Variants in CDH12 observed in about 807,000 individuals in gnomAD.
The protein encoded by CDH12 is cadherin-12.
A neutral mutation model predicts 74.1 loss-of-function variants in CDH12; 41 were observed. The observed-to-expected ratio is 0.55, with a 90% CI of 0.43 to 0.72. The LOEUF is 0.72. Ranked by LOEUF, CDH12 falls within the 30% of genes least tolerant of loss-of-function variation. The probability of loss-of-function intolerance (pLI) is 0.00; values close to 1 mark genes in which losing one functional copy is unlikely to be tolerated. For synonymous variants in CDH12, 399 were observed against 355.0 expected, an observed-to-expected ratio of 1.12 and a Z score of -1.39; for missense variants, 945 against 977.2, an observed-to-expected ratio of 0.97 and a Z score of 0.44.
chr5:22,784,281 T>A (rs1747521922), intron 1 of CDH12, among the ~76,000 whole-genome samples: 1 of 152,124 alleles, frequency 6.6e-6, no homozygotes, highest in African/African-American at 2.4e-5. Context: ...AGTTACAATG[T>A]ATAGACTTCT....
chr5:22,189,650 A>C (rs1750151042), intron 4 of CDH12, among the ~76,000 whole-genome samples: 2 of 152,240 alleles, frequency 1.3e-5, no homozygotes, highest in Admixed American at 6.5e-5. Context: ...AAATTTATAA[A>C]AACATTTATT....
At chr5:22,789,725 C>A (rs940752945) in intron 1 of CDH12, among the ~76,000 whole-genome samples, 3 of 151,808 alleles carry the variant, frequency 2.0e-5, no homozygotes, top group Non-Finnish European at 4.4e-5. Flanking sequence ...AATTTTAAAA[C>A]TGAAAGGAGA....
chr5:22,619,576 A>T (rs1024819948), intron 1 of CDH12, among the ~76,000 whole-genome samples: 2 of 151,908 alleles, frequency 1.3e-5, no homozygotes, highest in African/African-American at 2.4e-5. Flanking sequence ...CTATTTTATG[A>T]TAAGACATAA....
At chr5:22,333,232 G>T (rs749889467) in intron 3 of CDH12, among the ~76,000 whole-genome samples, 1 of 151,782 alleles carries the variant, frequency 6.6e-6, no homozygotes, top group African/African-American at 2.4e-5. Context: ...ACCAAAAACC[G>T]CATGTTTTCA....
At chr5:21,892,738 T>C (rs969430376) in intron 6 of CDH12, among the ~76,000 whole-genome samples, 3 of 152,164 alleles carry the variant, frequency 2.0e-5, no homozygotes, top group Non-Finnish European at 4.4e-5. Context: ...ATATGACCTA[T>C]GGCCATTCTC....
At chr5:22,554,199 G>A (rs1738697008) in intron 1 of CDH12, among the ~76,000 whole-genome samples, 1 of 152,140 alleles carries the variant, frequency 6.6e-6, no homozygotes, top group Admixed American at 6.6e-5. Context: ...TTTTAGGGCA[G>A]TGAAATTATT....
intron 6 of CDH12, chr5:21,882,804 A>G: frequency 1.3e-6 from 2 of 1,565,886 alleles, no homozygotes; most frequent in Non-Finnish European, 8.8e-7. Context: ...GGGAAGTCCC[A>G]ACGTAACAAA....
At chr5:22,690,170 A>G (rs1742007841) in intron 1 of CDH12, among the ~76,000 whole-genome samples, 2 of 152,282 alleles carry the variant, frequency 1.3e-5, no homozygotes, top group South Asian at 2.1e-4. Flanking sequence ...ATGGAAGTCA[A>G]TTTATTGCAC....
chr5:22,221,175 G>A (rs767556596), intron 3 of CDH12, among the ~76,000 whole-genome samples: 12 of 151,762 alleles, frequency 7.9e-5, no homozygotes, highest in Admixed American at 5.3e-4. Context: ...TAGACAAAAG[G>A]ATTATTTTAT....
chr5:22,666,292 TTTTTTTTTTG>T lies in CDH12; in HGVS notation c.-522-160938_-522-160929del, dbSNP rs1218728468. On this transcript the variant is annotated intron_variant, in intron 1 of 14. Transcript: ENST00000382254. ...TCTGTATCTCTCTATCTTTTTTTTT[TTTTTTTTTTG>T]TTTTTGAGACGGAGTCTGTCTCTGA... Among the ~76,000 whole-genome samples, 4 of 88,946 alleles carry T rather than the reference TTTTTTTTTTG, an allele frequency of 4.5e-5. No individual in the cohort carries two copies. The East Asian group carries it at 1.2e-3, about 27-fold the overall frequency. The allele number at this position is 88,946 out of a possible 152,430, so 58.4% of individuals were successfully genotyped here.
chr5:22,783,243 G>A (rs1747470471), intron 1 of CDH12, among the ~76,000 whole-genome samples: 1 of 151,946 alleles, frequency 6.6e-6, no homozygotes, highest in Non-Finnish European at 1.5e-5. Context: ...CAGTAGTAAT[G>A]TTCATAAAAT....
chr5:22,596,176 T>C lies in CDH12; in HGVS notation c.-522-90812A>G, dbSNP rs1237043390. On this transcript the variant is annotated intron_variant, in intron 1 of 14. Coordinates refer to ENST00000382254, the MANE Select transcript of CDH12 (RefSeq NM_004061.5). The stretch of plus-strand genomic sequence containing the variant: ...AAAAAGCCAGGCATGGTGGCTCATG[T>C]CTGTAATCCCAGCATTCTGGGAGGC... 2.0e-5 allele frequency among the ~76,000 whole-genome samples: 3 copies of C among 151,336 alleles called. No homozygotes were observed. In the East Asian group the frequency reaches 5.9e-4, roughly 30 times the overall value.
chr5:22,465,923 G>T (rs1461998732), intron 2 of CDH12, among the ~76,000 whole-genome samples: 1 of 152,056 alleles, frequency 6.6e-6, no homozygotes, highest in Admixed American at 6.5e-5. Flanking sequence ...TTTCCATGAG[G>T]CAAAGCAGAT....
chr5:22,206,849 T>C (rs1456205194), intron 4 of CDH12, among the ~76,000 whole-genome samples: 2 of 151,078 alleles, frequency 1.3e-5, no homozygotes, highest in East Asian at 1.9e-4. Flanking sequence ...AATTAGTGAG[T>C]GTGAGGAAAT....
Position 22,525,007 on chromosome 5 carries a change from TG to T in CDH12, c.-522-19644del, listed in dbSNP as rs557043701. Among the ~76,000 whole-genome samples, 381 of 143,372 alleles carry T rather than the reference TG, an allele frequency of 2.7e-3. 4 individuals carry two copies. Among genetic ancestry groups the T allele is most frequent in the African/African-American group, 9.1e-3 (356 of 39,102 alleles). The allele number at this position is 143,372 out of a possible 152,430, so 94.1% of individuals were successfully genotyped here. The stretch of plus-strand genomic sequence containing the variant: ...CCAGTGTGTGATGTTCCCCTTCCTG[TG>T]TCCATGTGTTCTCATTATTCAATTC... On this transcript the variant is annotated intron_variant, in intron 1 of 14. Transcript: ENST00000382254.
intron 1 of CDH12, among the ~76,000 whole-genome samples, chr5:22,542,903 A>C (rs1738168262): frequency 1.3e-5 from 2 of 152,160 alleles, no homozygotes; most frequent in Non-Finnish European, 2.9e-5. Context: ...AAATAGTAAT[A>C]AATATGATTT....
rs934425449 is a variant in CDH12, at chr5:22,698,154, T to C, written c.-523+154904A>G. On this transcript the variant is annotated intron_variant, in intron 1 of 14. Coordinates refer to ENST00000382254, the MANE Select transcript of CDH12 (RefSeq NM_004061.5). ...TTTTTTTTTTGAGATGGAGTTTCTA[T>C]CTCGTTGCCCAGGCTGGAGTGCAAT... 3.1e-5 allele frequency among the ~76,000 whole-genome samples: 4 copies of C among 129,394 alleles called. No individual in the cohort carries two copies. The Admixed American group carries it at 3.6e-4, about 12-fold the overall frequency. 84.9% of individuals were successfully genotyped at this position (129,394 alleles called of 152,430 possible). A position where few individuals can be genotyped will look rare whatever the true frequency, so the allele number is the denominator to read the frequency against.
At chr5:22,783,637 G>A (rs572525746) in intron 1 of CDH12, among the ~76,000 whole-genome samples, 1 of 152,144 alleles carries the variant, frequency 6.6e-6, no homozygotes, top group African/African-American at 2.4e-5. Context: ...GATGCTGTTG[G>A]ACTTGTGATT....
chr5:22,015,925 TA>T (rs1353551844), intron 5 of CDH12, among the ~76,000 whole-genome samples: 1 of 152,200 alleles, frequency 6.6e-6, no homozygotes, highest in Admixed American at 6.5e-5. Flanking sequence ...AATTATTTTT[TA>T]AAAGGAAAAT....
Sources: allele counts gnomAD v4.1 joint callset (sites outside exome capture counted in the v4.1 genomes callset), GRCh38; gene constraint gnomAD v4.1.1; transcripts MANE v1.5; gene names NCBI Gene and HGNC (gene_info 2026-07-23, HGNC 2026-07-21).